Variants in MTMR10 observed in about 807,000 individuals in gnomAD.
MTMR10 encodes myotubularin-related protein 10.
In MTMR10, 56 loss-of-function variants were observed where a neutral mutation model predicts 88.1. That is an observed-to-expected ratio of 0.64 (90% CI 0.51 to 0.79). The LOEUF is 0.79. MTMR10 is among the 30% of genes least tolerant of loss of function. MTMR10 has a pLI of 0.00. For synonymous variants in MTMR10, 380 were observed against 340.9 expected, an observed-to-expected ratio of 1.11 and a Z score of -1.26; for missense variants, 883 against 924.7, an observed-to-expected ratio of 0.95 and a Z score of 0.58.
chr15:30,943,692 G>C (rs1419734229), intron 14 of MTMR10: 18 of 985,164 alleles, frequency 1.8e-5, no homozygotes, highest in Non-Finnish European at 1.9e-5. Context: ...CTCTAGCCCG[G>C]ACTCTGGGCG....
At position 30,941,387 on chromosome 15, in the gene MTMR10, G is replaced by A. The variant is rs542092752; in HGVS notation, c.*83C>T. On this transcript the variant is annotated 3_prime_UTR_variant, in exon 16 of 16. Coordinates refer to ENST00000435680, the MANE Select transcript of MTMR10 (RefSeq NM_017762.3). ...TATTCTTACATATAAAGTTATTAGAGATTCAAACGCCTAGGTTAGCAATGT... is the reference window on the plus strand; with the variant it reads ...TATTCTTACATATAAAGTTATTAGAAATTCAAACGCCTAGGTTAGCAATGT... 1 of 1,539,508 alleles carries A rather than the reference G, an allele frequency of 6.5e-7. No individual in the cohort carries two copies. The highest frequency in any genetic ancestry group is 8.7e-7 in the Non-Finnish European group (1 of 1,146,180).
rs551541931 is a variant in MTMR10, at chr15:30,957,670, C to T, written c.935+1193G>A. Among the ~76,000 whole-genome samples, 5 of 152,270 alleles carry T rather than the reference C, an allele frequency of 3.3e-5. No individual in the cohort carries two copies. In the East Asian group the frequency reaches 9.7e-4, roughly 29 times the overall value. The stretch of plus-strand genomic sequence containing the variant: ...CCCGGGAGCCGAGATCGTACCACTG[C>T]ACTCCAGCATGGGTGACAGAGTGAG... On this transcript the variant is annotated intron_variant, in intron 9 of 15. Transcript: ENST00000435680.
chr15:30,925,681 G>C, the MTMR10 span: 1 of 1,258,716 alleles, frequency 7.9e-7, no homozygotes, highest in Non-Finnish European at 1.1e-6. Flanking sequence ...GCTCTACTAA[G>C]TGACTGACTT....
chr15:30,957,298 C>T (rs1347913297), intron 9 of MTMR10, among the ~76,000 whole-genome samples: 1 of 152,164 alleles, frequency 6.6e-6, no homozygotes, highest in East Asian at 1.9e-4. Flanking sequence ...GTAACACACA[C>T]ATATATAATT....
intron 7 of MTMR10, 134 bp from the exon 8 acceptor site, chr15:30,959,255 C>T (rs1246423646): frequency 2.7e-6 from 2 of 743,644 alleles, no homozygotes; most frequent in East Asian, 2.7e-5. Flanking sequence ...ATGGTGGGCA[C>T]CATGGGGGGG....
chr15:30,971,777 T>C (rs1387918845), intron 5 of MTMR10, among the ~76,000 whole-genome samples: 1 of 152,138 alleles, frequency 6.6e-6, no homozygotes, highest in African/African-American at 2.4e-5. Context: ...TGGTTCTAAG[T>C]TGCTATGAGG....
chr15:30,987,054 G>A (rs1312046230), intron 2 of MTMR10, among the ~76,000 whole-genome samples: 1 of 152,184 alleles, frequency 6.6e-6, no homozygotes, highest in Non-Finnish European at 1.5e-5. Flanking sequence ...TATAATCACT[G>A]AAAGAATGAA....
chr15:30,947,018 G>T (rs181687932), intron 14 of MTMR10, 112 bp downstream of exon 14: 2 of 1,329,578 alleles, frequency 1.5e-6, no homozygotes, highest in Non-Finnish European at 2.0e-6. Context: ...GAAAATGGCA[G>T]TAAGAATTTT....
chr15:30,936,961 G>GT (rs769135088), downstream of MTMR10, among the ~76,000 whole-genome samples: 2 of 152,284 alleles, frequency 1.3e-5, no homozygotes, highest in African/African-American at 4.8e-5. Flanking sequence ...GTGAACCATT[G>GT]TAAGTGAAGG....
chr15:30,985,604 T>C (rs1365268923), intron 2 of MTMR10, among the ~76,000 whole-genome samples: 1 of 152,242 alleles, frequency 6.6e-6, no homozygotes, highest in African/African-American at 2.4e-5. Flanking sequence ...ACTGGTATCC[T>C]AGCTGACAAG....
At chr15:30,932,515 A>G in the MTMR10 span, among the ~76,000 whole-genome samples, 1 of 152,150 alleles carries the variant, frequency 6.6e-6, no homozygotes, top group Non-Finnish European at 1.5e-5. Context: ...ATTTGATAGA[A>G]TTCCCCAGTG....
chr15:30,963,019 T>C (rs570478450), intron 6 of MTMR10, among the ~76,000 whole-genome samples: 2 of 152,244 alleles, frequency 1.3e-5, no homozygotes, highest in Non-Finnish European at 2.9e-5. Flanking sequence ...ATTCAACAGG[T>C]GGTGGAAGAG....
Position 30,951,984 on chromosome 15 carries a change from G to C in MTMR10, c.1191C>G (p.Leu397=). The C allele has an allele frequency of 6.2e-7, 1 of 1,613,716 alleles. No individual in the cohort carries two copies. The change falls in exon 12 of 16, where the codon CTC becomes CTG. Residue 397 remains leucine, a synonymous_variant. Coordinates refer to ENST00000435680, the MANE Select transcript of MTMR10 (RefSeq NM_017762.3). ...TTTAGTTACCTTGTAGGACTACAGA[G>C]AGATGTTTGCTTTCTAGCATGTATA... ...ELVYMLESKH[L]SVVLQEEEGR...
At chr15:30,953,702 C>T (rs1211798298) in intron 10 of MTMR10, 71 bp from the exon 11 acceptor site, 3 of 986,362 alleles carry the variant, frequency 3.0e-6, no homozygotes, top group Non-Finnish European at 4.5e-6. Context: ...TAAAGAGATA[C>T]ATCAGTTTCT....
the MTMR10 span, among the ~76,000 whole-genome samples, chr15:30,932,895 G>A: frequency 1.5e-5 from 2 of 132,342 alleles, no homozygotes; most frequent in South Asian, 2.3e-4. Context: ...TTTTTTTTTT[G>A]TATTTTTAGT....
the MTMR10 span, among the ~76,000 whole-genome samples, chr15:30,931,989 G>A: frequency 1.3e-5 from 2 of 151,496 alleles, no homozygotes; most frequent in South Asian, 2.1e-4. Context: ...TTGGGAGACA[G>A]AGGTGGGCGG....
downstream of MTMR10, among the ~76,000 whole-genome samples, chr15:30,937,447 CTTTTTTTT>C (rs11317050): frequency 2.5e-5 from 2 of 78,978 alleles, no homozygotes; most frequent in South Asian, 1.1e-3. Flanking sequence ...GGGTAATAAA[CTTTTTTTT>C]TTTTTTTTTT....
intron 6 of MTMR10, among the ~76,000 whole-genome samples, chr15:30,967,129 T>C (rs2063482062): frequency 6.6e-6 from 1 of 152,136 alleles, no homozygotes; most frequent in South Asian, 2.1e-4. Flanking sequence ...TCATTATAAA[T>C]ACACAGCTGA....
chr15:30,940,665 C>G lies in MTMR10; in HGVS notation c.*805G>C. On this transcript the variant is annotated 3_prime_UTR_variant, in exon 16 of 16. Coordinates refer to ENST00000435680, the MANE Select transcript of MTMR10 (RefSeq NM_017762.3). ...TGGAATCAGCACCCCAGAGGCCACT[C>G]CCCAGTGGCTTTCAGAGGAACAAGA... The G allele has an allele frequency of 1.0e-6, 1 of 987,076 alleles. No individual in the cohort carries two copies. 61.1% of individuals were successfully genotyped at this position (987,076 alleles called of 1,614,324 possible).
Sources: gnomAD v4.1 joint callset for allele counts (sites outside exome capture counted in the v4.1 genomes callset) on GRCh38, gnomAD v4.1.1 for gene constraint, MANE v1.5 for transcripts, NCBI Gene and HGNC (gene_info 2026-07-23, HGNC 2026-07-21) for gene names.